The following VAC14 variants were observed in gnomAD, a reference collection of about 807,000 sequenced individuals.
VAC14 encodes the protein VAC14 component of PIKFYVE complex.
In VAC14, 47 loss-of-function variants were observed where a neutral mutation model predicts 85.3. The observed-to-expected ratio is 0.55, with a 90% CI of 0.44 to 0.70. The LOEUF (loss-of-function observed/expected upper bound fraction) is 0.70, where lower values mean the gene tolerates loss of function less well. VAC14 is among the 30% of genes least tolerant of loss of function. The pLI, the probability that VAC14 is intolerant of heterozygous loss-of-function variation, is 0.00. For missense variants in VAC14, 861 were observed against 1,004.3 expected, an observed-to-expected ratio of 0.86 and a Z score of 1.93; for synonymous variants, 447 against 430.5, an observed-to-expected ratio of 1.04 and a Z score of -0.47.
Position 70,800,713 on chromosome 16 carries a change from T to C in VAC14, c.104+84A>G. On this transcript the variant is annotated intron_variant, in intron 1 of 18. Transcript: ENST00000261776. ...GGCCTAAAACCTGGGAAAGTAACCC[T>C]GGCTGGGAAGGCGTGAGAAGTCCCC... 1.6e-6 allele frequency: 2 copies of C among 1,248,856 alleles called. 1 individual carries two copies. Among genetic ancestry groups the C allele is most frequent in the Middle Eastern group, 3.8e-4 (2 of 5,332 alleles). The allele number at this position is 1,248,856 out of a possible 1,614,324, so 77.4% of individuals were successfully genotyped here.
At chr16:70,730,530 A>C (rs538484824) in intron 14 of VAC14, among the ~76,000 whole-genome samples, 2 of 150,320 alleles carry the variant, frequency 1.3e-5, no homozygotes, top group Non-Finnish European at 3.0e-5. Flanking sequence ...CAAGCACCCC[A>C]GACCACTTTA....
At chr16:70,698,504 C>T (rs1597853387) in intron 15 of VAC14, 133 bp downstream of exon 15, 1 of 1,095,480 alleles carries the variant, frequency 9.1e-7, no homozygotes, top group East Asian at 2.5e-5. Flanking sequence ...CCCAGTGGAC[C>T]AGGGGAAGTC....
chr16:70,776,158 T>C (rs985306125), intron 9 of VAC14, among the ~76,000 whole-genome samples: 5 of 152,230 alleles, frequency 3.3e-5, no homozygotes, highest in African/African-American at 1.2e-4. Context: ...CAGGCTGTAG[T>C]GGCGTGATCA....
chr16:70,726,679 G>A (rs1034307796), intron 14 of VAC14, among the ~76,000 whole-genome samples: 14 of 152,182 alleles, frequency 9.2e-5, no homozygotes, highest in Admixed American at 3.3e-4. Flanking sequence ...GCAAAGTCCC[G>A]TGGAGGGAGT....
At chr16:70,718,516 G>T (rs1443047157) in intron 14 of VAC14, among the ~76,000 whole-genome samples, 1 of 151,668 alleles carries the variant, frequency 6.6e-6, no homozygotes, top group Admixed American at 6.6e-5. Context: ...AGAGCTTGCA[G>T]TGAGACAAGA....
chr16:70,698,648 G>A lies in VAC14; in HGVS notation c.1825C>T (p.Leu609=), dbSNP rs2053761637. Residue 609 remains leucine (L), a synonymous_variant, in exon 15 of 19, where the codon CTG becomes TTG. Coordinates refer to ENST00000261776, the MANE Select transcript of VAC14 (RefSeq NM_018052.5). ...LFQLRNQLKD[L]KTLESQNLFC... ...CGGACGCAGCCTACCAGGGTCTTCA[G>A]GTCCTTCAGCTGGTTCCTTAGCTGG... 1.2e-6 allele frequency: 2 copies of A among 1,614,162 alleles called. No homozygotes were observed. The highest frequency in any genetic ancestry group is 8.5e-7 in the Non-Finnish European group (1 of 1,179,982).
In VAC14 at chr16:70,780,850, G is replaced by C. The variant is rs2033776049; in HGVS notation, c.1036C>G (p.Gln346Glu). ...TCAGGGGTGGGCTCTGCCTGCCTCT[G>C]CCCAGGTCTCAGCTCATCCAGCTCG... ...DDELDELRPG[Q>E]RQAEPTPDDA... The change falls in exon 9 of 19, where the codon CAG becomes GAG. Residue 346 changes from glutamine to glutamate, a missense_variant. Physicochemically the swap from Gln to Glu is conservative, Grantham distance 29. Around this residue, in one of 3 missense-constraint regions of VAC14, gnomAD observed 629 missense variants for 703.1 expected, o/e 0.89. Transcript: ENST00000261776. 1.2e-6 allele frequency: 2 copies of C among 1,613,910 alleles called. No individual in the cohort carries two copies. Among genetic ancestry groups the C allele is most frequent in the Non-Finnish European group, 1.7e-6 (2 of 1,179,940 alleles).
intron 8 of VAC14, 147 bp downstream of exon 8, chr16:70,781,722 T>C: frequency 8.6e-7 from 1 of 1,165,310 alleles, no homozygotes; most frequent in Non-Finnish European, 1.2e-6. Flanking sequence ...TAATCCACGT[T>C]TGGCTCCATC....
chr16:70,732,963 TTTAAAAAGAAAACAGCTTTA>T (rs775852505), intron 13 of VAC14, among the ~76,000 whole-genome samples: 12 of 152,194 alleles, frequency 7.9e-5, no homozygotes, highest in Non-Finnish European at 1.5e-4. Context: ...GCAGGACATC[TTTAAAAAGAAAACAGCTTTA>T]TTGAGATATC....
intron 12 of VAC14, among the ~76,000 whole-genome samples, chr16:70,749,334 CAT>C (rs2031187946): frequency 6.6e-6 from 1 of 152,274 alleles, no homozygotes; most frequent in Admixed American, 6.5e-5. Context: ...AGCAAAGCTG[CAT>C]ATTTTACATT....
rs1322113594 is a variant in VAC14, at chr16:70,731,569, C to G, written c.1587G>C (p.Lys529Asn). ...STPTMNSYFY[K>N]FMINLLKRFS... ...ATCTCTTGAGAAGGTTGATCATGAA[C>G]TTATAAAAGTAAGAATTCATGGTGG... Residue 529 changes from lysine to asparagine, a missense_variant, in exon 14 of 19, where the codon AAG (lysine) becomes AAC (asparagine). By Grantham distance (94) the Lys-to-Asn change is moderately conservative. Around this residue, in one of 3 missense-constraint regions of VAC14, gnomAD observed 629 missense variants for 703.1 expected, o/e 0.89. Coordinates refer to ENST00000261776, the MANE Select transcript of VAC14 (RefSeq NM_018052.5). 1 of 1,614,036 alleles carries G rather than the reference C, an allele frequency of 6.2e-7. No individual in the cohort carries two copies. The highest frequency in any genetic ancestry group is 8.5e-7 in the Non-Finnish European group (1 of 1,180,038).
intron 9 of VAC14, among the ~76,000 whole-genome samples, chr16:70,779,367 T>G (rs2033695262): frequency 6.6e-6 from 1 of 152,266 alleles, no homozygotes; most frequent in Admixed American, 6.5e-5. Context: ...CCTTACTCTG[T>G]TATCCTTAAA....
At chr16:70,732,142 C>G (rs543813260) in intron 13 of VAC14, among the ~76,000 whole-genome samples, 1 of 152,296 alleles carries the variant, frequency 6.6e-6, no homozygotes, top group Admixed American at 6.5e-5. Flanking sequence ...CCACAAGAGG[C>G]AAAAGCCAAG....
At chr16:70,688,791 C>G in intron 18 of VAC14, 1 of 985,628 alleles carries the variant, frequency 1.0e-6, no homozygotes, top group African/African-American at 1.7e-5. Context: ...CTGTCCCTGT[C>G]AAGCCCAGTG....
chr16:70,699,081 A>G (rs2053771199), intron 14 of VAC14, among the ~76,000 whole-genome samples: 1 of 152,256 alleles, frequency 6.6e-6, no homozygotes, highest in South Asian at 2.1e-4. Context: ...CCGGCACAAG[A>G]GAAACAGCTG....
rs747719919 is a variant in VAC14, at chr16:70,692,882, C to T, written c.2125G>A (p.Ala709Thr). Reference sequence around the variant, plus strand: ...AGCCGGTGCGAGAGCAGCTGGAAGGCGCTGCTCTGCGGCAGGAGCATGAGC... The same window carrying T: ...AGCCGGTGCGAGAGCAGCTGGAAGGTGCTGCTCTGCGGCAGGAGCATGAGC... ...GLLMLLPQSS[A>T]FQLLSHRLQC... Residue 709 changes from alanine (A) to threonine (T), a missense_variant, in exon 18 of 19, where the codon GCC (alanine) becomes ACC (threonine). Ala to Thr is a moderately conservative substitution (Grantham distance 58). Coordinates refer to ENST00000261776, the MANE Select transcript of VAC14 (RefSeq NM_018052.5). 9.3e-6 allele frequency: 15 copies of T among 1,607,474 alleles called. No individual in the cohort carries two copies. The highest frequency in any genetic ancestry group is 1.1e-5 in the South Asian group (1 of 89,308).
At chr16:70,710,041 C>T (rs1221348703) in intron 14 of VAC14, among the ~76,000 whole-genome samples, 8 of 152,200 alleles carry the variant, frequency 5.3e-5, no homozygotes, top group South Asian at 2.1e-4. Flanking sequence ...GCCCTGCCCA[C>T]GAGGAGGCCG....
At chr16:70,691,908 T>G in intron 18 of VAC14, 2 of 985,308 alleles carry the variant, frequency 2.0e-6, no homozygotes, top group Middle Eastern at 5.2e-4. Context: ...CCGAGGCCCT[T>G]TGCTGGAGCA....
At chr16:70,710,765 G>C (rs562055613) in intron 14 of VAC14, among the ~76,000 whole-genome samples, 2 of 152,360 alleles carry the variant, frequency 1.3e-5, no homozygotes, top group South Asian at 2.1e-4. Flanking sequence ...GACCCAACTT[G>C]GGTCCAGCAG....
Sources: allele counts gnomAD v4.1 joint callset (sites outside exome capture counted in the v4.1 genomes callset), GRCh38; gene constraint gnomAD v4.1.1; regional missense constraint gnomAD v4.1.1; transcripts MANE v1.5; gene names NCBI Gene and HGNC (gene_info 2026-07-23, HGNC 2026-07-21).